The following DNAH11 variants were observed in gnomAD, a reference collection of about 807,000 sequenced individuals.
The protein encoded by DNAH11 is axonemal beta dynein heavy chain 11.
A neutral mutation model predicts 526.0 loss-of-function variants in DNAH11; 442 were observed. The observed-to-expected ratio is 0.84, with a 90% confidence interval of 0.78 to 0.91. DNAH11 has a LOEUF of 0.91. Among genes scored for constraint, DNAH11 ranks in the 40% least tolerant of loss-of-function variants. DNAH11 has a pLI of 0.00. For synonymous variants in DNAH11, 2,461 were observed against 1,935.9 expected (o/e 1.27, Z -7.12); for missense variants, 6,989 against 5,448.7 (o/e 1.28, Z -8.90).
chr7:21,818,678 A>C (rs185650809), intron 65 of DNAH11, among the ~76,000 whole-genome samples: 8 of 152,218 alleles, frequency 5.3e-5, no homozygotes, highest in African/African-American at 1.9e-4. Flanking sequence ...GCCTATCTAC[A>C]TATCACTTGT....
chr7:21,564,237 A>T lies in DNAH11; in HGVS notation c.1034A>T (p.His345Leu). The T allele has an allele frequency of 1.2e-6, 2 of 1,612,750 alleles. No individual in the cohort carries two copies. Among genetic ancestry groups the T allele is most frequent in the Non-Finnish European group, 1.7e-6 (2 of 1,179,288 alleles). The change falls in exon 6 of 82, where the codon CAC (histidine) becomes CTC (leucine). Residue 345 changes from histidine to leucine, a missense_variant. Transcript: ENST00000409508. ...CTTTACCTGAGACCTCTGAGGAGAC[A>T]CATCCAGTGTCTCCAGGAGACGGAA... ...VELYLRPLRR[H>L]IQCLQETEFP... is the part of the protein sequence containing the mutation.
chr7:21,811,455 C>A (rs548306977), intron 63 of DNAH11, among the ~76,000 whole-genome samples: 18 of 144,184 alleles, frequency 1.2e-4, no homozygotes, highest in African/African-American at 2.0e-4. Flanking sequence ...GATGCCATCT[C>A]AAAAAAAAAA....
intron 61 of DNAH11, among the ~76,000 whole-genome samples, chr7:21,793,450 T>C (rs1788562237): frequency 6.6e-6 from 1 of 152,134 alleles, no homozygotes; most frequent in South Asian, 2.1e-4. Context: ...ACCCCGTCTG[T>C]ACTAAAAATA....
chr7:21,556,169 T>C, intron 2 of DNAH11, among the ~76,000 whole-genome samples: 1 of 152,178 alleles, frequency 6.6e-6, no homozygotes, highest in Admixed American at 6.5e-5. Context: ...CTGCTTAAGT[T>C]TCGATTTTCC....
chr7:21,778,779 A>G (rs1345126910), intron 56 of DNAH11, among the ~76,000 whole-genome samples, 179 bp from the exon 57 acceptor site: 1 of 152,178 alleles, frequency 6.6e-6, no homozygotes, highest in Non-Finnish European at 1.5e-5. Flanking sequence ...GTTTGTTCTC[A>G]TGTGGAGAAA....
chr7:21,612,876 T>G (rs533876498), intron 20 of DNAH11, among the ~76,000 whole-genome samples: 1 of 152,220 alleles, frequency 6.6e-6, no homozygotes, highest in Non-Finnish European at 1.5e-5. Flanking sequence ...GTGTAATTAA[T>G]TGCATTAACA....
At chr7:21,765,862 C>T (rs1459367633) in intron 55 of DNAH11, among the ~76,000 whole-genome samples, 5 of 152,214 alleles carry the variant, frequency 3.3e-5, no homozygotes, top group Non-Finnish European at 7.3e-5. Flanking sequence ...AGTATGTTCT[C>T]ACTCATGCAC....
chr7:21,743,203 A>C (rs1225335145), intron 49 of DNAH11, among the ~76,000 whole-genome samples: 2 of 152,218 alleles, frequency 1.3e-5, no homozygotes, highest in African/African-American at 2.4e-5. Flanking sequence ...CTTTAGATTG[A>C]GTGAGTGAGT....
At chr7:21,544,844 C>T (rs1381562495) in intron 1 of DNAH11, among the ~76,000 whole-genome samples, 162 bp from the exon 2 acceptor site, 2 of 152,070 alleles carry the variant, frequency 1.3e-5, no homozygotes, top group African/African-American at 4.8e-5. Flanking sequence ...ACTGTATACT[C>T]GCTGCATACT....
Position 21,601,411 on chromosome 7 carries a change from A to G in DNAH11, c.3441A>G (p.Gln1147=). 2 of 1,612,578 alleles carry G rather than the reference A, an allele frequency of 1.2e-6. No individual in the cohort carries two copies. The highest frequency in any genetic ancestry group is 1.1e-5 in the South Asian group (1 of 90,884). Reference sequence around the variant, plus strand: ...TATTTAATAGTCTGAATGAGCTACAAGAATTTATAAAGGAGACAGATTCCG... The same window carrying G: ...TATTTAATAGTCTGAATGAGCTACAGGAATTTATAAAGGAGACAGATTCCG... ...RFVIDSLNEL[Q]EFIKETDSGL... is the part of the protein sequence containing the mutation. The change falls in exon 18 of 82, where the codon CAA becomes CAG. Residue 1147 remains glutamine (Q), a synonymous_variant. Transcript: ENST00000409508.
In DNAH11 at chr7:21,615,261, A is replaced by G. The variant is rs117965307; in HGVS notation, c.4000A>G (p.Ile1334Val). ...GCTCAAGGGACTGTGGGATGTCATT[A>G]TTTATGTTCGAGTAAGATGTGCTTT... ...KLLKGLWDVI[I>V]YVRRSIDNWT... Residue 1334 changes from isoleucine to valine, a missense_variant, in exon 21 of 82, where the codon ATT becomes GTT. Physicochemically the swap from Ile to Val is conservative, Grantham distance 29 (BLOSUM62 3). Coordinates refer to ENST00000409508, the MANE Select transcript of DNAH11 (RefSeq NM_001277115.2). 87 of 1,611,932 alleles carry G rather than the reference A, an allele frequency of 5.4e-5. No individual in the cohort carries two copies. The East Asian group carries it at 1.8e-3, about 33-fold the overall frequency.
chr7:21,896,595 G>C (rs1454770090), intron 79 of DNAH11, among the ~76,000 whole-genome samples: 1 of 152,276 alleles, frequency 6.6e-6, no homozygotes, highest in South Asian at 2.1e-4. Context: ...CTTTTATTCT[G>C]AAAAAGTCTT....
At chr7:21,772,613 C>T (rs1583679019) in intron 55 of DNAH11, among the ~76,000 whole-genome samples, 2 of 152,150 alleles carry the variant, frequency 1.3e-5, no homozygotes, top group East Asian at 3.9e-4. Context: ...ATATTTGTAT[C>T]TGGGGTCCAC....
At position 21,773,700 on chromosome 7, in the gene DNAH11, A is replaced by AT. The variant is rs11374411; in HGVS notation, c.9103-58dup. The AT allele has an allele frequency of 0.91, 965,498 of 1,055,502 alleles. 442,734 individuals are homozygous for AT. The highest frequency in any genetic ancestry group is 0.96 in the African/African-American group (58,471 of 60,604). The allele number at this position is 1,055,502 out of a possible 1,614,324, so 65.4% of individuals were successfully genotyped here. A position where few individuals can be genotyped will look rare whatever the true frequency, so the allele number is the denominator to read the frequency against. The stretch of plus-strand genomic sequence containing the variant: ...TAGAAAAAAAATGATCATTTACTTG[A>AT]TTTTTTTTAAGTTGTATTTTTAATT... On this transcript the variant is annotated intron_variant, in intron 55 of 81. Coordinates refer to ENST00000409508, the MANE Select transcript of DNAH11 (RefSeq NM_001277115.2).
rs542244859 is a variant in DNAH11, at chr7:21,845,128, T to C, written c.10896+2380T>C. On this transcript the variant is annotated intron_variant, in intron 66 of 81. Transcript: ENST00000409508. ...TTCTTGTATTCTGAATGTCAGACTC[T>C]TATTGGATATGTGACTTATAAAAAT... is the stretch of plus-strand genomic sequence containing the variant. 3.3e-5 allele frequency among the ~76,000 whole-genome samples: 5 copies of C among 152,326 alleles called. No individual in the cohort carries two copies. In the East Asian group the frequency reaches 9.6e-4, roughly 29 times the overall value.
At chr7:21,571,724 T>A (rs1198255457) in intron 7 of DNAH11, 82 bp from the exon 8 acceptor site, 2 of 1,084,086 alleles carry the variant, frequency 1.8e-6, no homozygotes, top group Non-Finnish European at 2.5e-6. Flanking sequence ...TTTTGAACAT[T>A]TGAAAATGTT....
chr7:21,744,183 A>T (rs1786041999), intron 49 of DNAH11, among the ~76,000 whole-genome samples: 1 of 152,214 alleles, frequency 6.6e-6, no homozygotes, highest in South Asian at 2.1e-4. Context: ...CTCAGATGTG[A>T]TATTTAGTGC....
At chr7:21,876,722 T>G (rs1271676090) in intron 74 of DNAH11, among the ~76,000 whole-genome samples, 1 of 152,224 alleles carries the variant, frequency 6.6e-6, no homozygotes, top group African/African-American at 2.4e-5. Flanking sequence ...CATATCCACA[T>G]TCCTGACAGG....
chr7:21,778,086 GT>G (rs986342561), intron 56 of DNAH11, among the ~76,000 whole-genome samples: 5 of 152,118 alleles, frequency 3.3e-5, no homozygotes, highest in South Asian at 4.2e-4. Context: ...ACTGAGTCAT[GT>G]TTTTTTTCTC....
Sources: gnomAD v4.1 joint callset for allele counts (sites outside exome capture counted in the v4.1 genomes callset) on GRCh38, gnomAD v4.1.1 for gene constraint, MANE v1.5 for transcripts, NCBI Gene and HGNC (gene_info 2026-07-23, HGNC 2026-07-21) for gene names.